Variants in POLR2B observed in about 807,000 individuals in gnomAD.
POLR2B encodes DNA-directed RNA polymerase II subunit RPB2.
In POLR2B, 57 loss-of-function variants were observed where a neutral mutation model predicts 144.6. The observed-to-expected ratio is 0.39, with a 90% CI of 0.32 to 0.49. POLR2B has a LOEUF of 0.49. Among genes scored for constraint, POLR2B ranks in the 20% least tolerant of loss-of-function variants. The pLI is 0.83. For missense variants in POLR2B, 595 were observed against 1,467.4 expected, an observed-to-expected ratio of 0.41 and a Z score of 9.71; for synonymous variants, 442 against 469.8, an observed-to-expected ratio of 0.94 and a Z score of 0.77.
chr4:56,988,523 A>G (rs1455981558), intron 2 of POLR2B, among the ~76,000 whole-genome samples: 1 of 152,140 alleles, frequency 6.6e-6, no homozygotes, highest in African/African-American at 2.4e-5. Flanking sequence ...AAGAAAGAAA[A>G]AAAGAGAAAT....
intron 7 of POLR2B, among the ~76,000 whole-genome samples, chr4:57,003,828 G>T (rs1722926069): frequency 6.6e-6 from 1 of 151,700 alleles, no homozygotes. Context: ...GGGTGACAAA[G>T]GGAGACTGAC....
intron 2 of POLR2B, among the ~76,000 whole-genome samples, chr4:56,988,279 T>G (rs1722392494): frequency 6.6e-6 from 1 of 151,838 alleles, no homozygotes; most frequent in Non-Finnish European, 1.5e-5. Context: ...GATACAGCTT[T>G]CAAGCAGAAA....
chr4:57,008,475 C>CA (rs1171997406), intron 10 of POLR2B, among the ~76,000 whole-genome samples: 2 of 152,114 alleles, frequency 1.3e-5, no homozygotes, highest in African/African-American at 4.8e-5. Flanking sequence ...GTGCTGGGAT[C>CA]ACAGGTGTGA....
rs1578594425 is a variant in POLR2B at position 57,025,552 on chromosome 4, A to G, written c.3239+15A>G. 2 of 1,514,770 alleles carry G rather than the reference A, an allele frequency of 1.3e-6. No individual in the cohort carries two copies. The highest frequency in any genetic ancestry group is 4.6e-5 in the East Asian group (2 of 43,830). 93.8% of individuals were successfully genotyped at this position (1,514,770 alleles called of 1,614,324 possible). On this transcript the variant is annotated intron_variant, in intron 23 of 24. Coordinates refer to ENST00000314595, the MANE Select transcript of POLR2B (RefSeq NM_000938.3). ...GGTAGATCTCGGTAAGAACTGTATCATCATCATTATTATTAATTAACCTTA... is the reference window on the plus strand; with the variant it reads ...GGTAGATCTCGGTAAGAACTGTATCGTCATCATTATTATTAATTAACCTTA...
At chr4:56,988,454 A>G (rs1415496779) in intron 2 of POLR2B, among the ~76,000 whole-genome samples, 1 of 152,120 alleles carries the variant, frequency 6.6e-6, no homozygotes, top group Non-Finnish European at 1.5e-5. Flanking sequence ...ACTTGAGCTC[A>G]GGAGTTTGAG....
chr4:56,999,451 C>T (rs936260877), intron 6 of POLR2B, among the ~76,000 whole-genome samples, 166 bp from the exon 7 acceptor site: 9 of 151,520 alleles, frequency 5.9e-5, no homozygotes, highest in Non-Finnish European at 1.3e-4. Context: ...ATACTTGTTT[C>T]GGTGGTTTTG....
chr4:56,985,934 T>C (rs1578555779), intron 1 of POLR2B, among the ~76,000 whole-genome samples: 1 of 152,206 alleles, frequency 6.6e-6, no homozygotes, highest in East Asian at 1.9e-4. Flanking sequence ...GAGATAGGCT[T>C]GTGGCCATCT....
chr4:57,011,637 A>G (rs1723191200), intron 13 of POLR2B, among the ~76,000 whole-genome samples: 1 of 152,164 alleles, frequency 6.6e-6, no homozygotes, highest in African/African-American at 2.4e-5. Flanking sequence ...ATCCTGGCCA[A>G]CATGGTGAAA....
chr4:56,979,087 G>C, intron 1 of POLR2B, 83 bp downstream of exon 1: 2 of 1,384,642 alleles, frequency 1.4e-6, no homozygotes, highest in Non-Finnish European at 2.1e-6. Flanking sequence ...AGGATTTGGG[G>C]CCTTCCCATG....
intron 7 of POLR2B, among the ~76,000 whole-genome samples, chr4:57,000,853 G>T (rs910326255): frequency 6.6e-6 from 1 of 151,234 alleles, no homozygotes; most frequent in Non-Finnish European, 1.5e-5. Flanking sequence ...GTGCCACCAC[G>T]CCCAGCTAAT....
chr4:57,016,150 TTTC>T (rs1180301895), intron 14 of POLR2B, among the ~76,000 whole-genome samples: 1 of 152,254 alleles, frequency 6.6e-6, no homozygotes, highest in Non-Finnish European at 1.5e-5. Context: ...TTTAGAATAC[TTTC>T]ATTGCCCCGA....
Position 57,005,703 on chromosome 4 carries a change from G to C in POLR2B, c.1201G>C (p.Ala401Pro). 1 of 1,612,168 alleles carries C rather than the reference G, an allele frequency of 6.2e-7. No individual in the cohort carries two copies. Among genetic ancestry groups the C allele is most frequent in the Non-Finnish European group, 8.5e-7 (1 of 1,179,260 alleles). ...KRLDLAGPLL[A>P]FLFRGMFKNL... The stretch of plus-strand genomic sequence containing the variant: ...ATTGGATCTTGCTGGGCCGCTGCTT[G>C]CATTCTTATTTAGAGGGTAAGGAAT... The change falls in exon 9 of 25, where the codon GCA becomes CCA. Residue 401 changes from alanine to proline, a missense_variant. Coordinates refer to ENST00000314595, the MANE Select transcript of POLR2B (RefSeq NM_000938.3).
At position 56,988,089 on chromosome 4, in the gene POLR2B, G is replaced by A. The variant is rs373798324; in HGVS notation, c.92+1663G>A. ...AATAAATAATTAAAAAATATATATT[G>A]AGTTTTTGGGATATAAGTATATATT... On this transcript the variant is annotated intron_variant, in intron 2 of 24. Coordinates refer to ENST00000314595, the MANE Select transcript of POLR2B (RefSeq NM_000938.3). Among the ~76,000 whole-genome samples the A allele has an allele frequency of 2.5e-4, 38 of 152,002 alleles. No individual in the cohort carries two copies. The East Asian group carries it at 6.2e-3, about 25-fold the overall frequency.
chr4:56,986,291 G>A (rs139361658), intron 1 of POLR2B, 63 bp from the exon 2 acceptor site: 365 of 924,266 alleles, frequency 3.9e-4, no homozygotes, highest in Non-Finnish European at 5.5e-4. Context: ...TAAAGTCATA[G>A]GAGCAAGATG....
At chr4:56,992,766 A>G (rs1578562103) in intron 3 of POLR2B, among the ~76,000 whole-genome samples, 2 of 151,268 alleles carry the variant, frequency 1.3e-5, no homozygotes, top group South Asian at 4.2e-4. Flanking sequence ...GTTTTGCCGT[A>G]TTAGCCAGGA....
chr4:56,993,235 G>A (rs1303460440), intron 3 of POLR2B, among the ~76,000 whole-genome samples: 2 of 150,934 alleles, frequency 1.3e-5, no homozygotes, highest in African/African-American at 4.9e-5. Flanking sequence ...CCCAGGAGGT[G>A]GAGGCTGCAG....
In POLR2B at chr4:57,005,297, C is replaced by T. The variant is rs1312088544; in HGVS notation, c.952C>T (p.Leu318=). The change falls in exon 8 of 25, where the codon CTA becomes TTA. Residue 318 remains leucine (L), a synonymous_variant. Coordinates refer to ENST00000314595, the MANE Select transcript of POLR2B (RefSeq NM_000938.3). ...TGTCATCCAAGAACAGAATGTTGCA[C>T]TAAATTTCATTGGTTCAAGAGGAGC... ...AFVIQEQNVA[L]NFIGSRGAKP... is the part of the protein sequence containing the mutation. The T allele has an allele frequency of 1.9e-6, 3 of 1,598,102 alleles. No individual in the cohort carries two copies. Among genetic ancestry groups the T allele is most frequent in the African/African-American group, 2.7e-5 (2 of 74,068 alleles).
chr4:57,014,504 CTTTTT>C (rs773847681), intron 13 of POLR2B, among the ~76,000 whole-genome samples: 1 of 66,654 alleles, frequency 1.5e-5, no homozygotes. Flanking sequence ...CTTTTTTTTT[CTTTTT>C]TTTTTTTTTT....
chr4:56,985,226 A>C, intron 1 of POLR2B: 2 of 758,692 alleles, frequency 2.6e-6, no homozygotes, highest in Non-Finnish European at 3.2e-6. Flanking sequence ...TTACAAAAAA[A>C]ATTTTATTTT....
Sources: allele counts gnomAD v4.1 joint callset (sites outside exome capture counted in the v4.1 genomes callset), GRCh38; gene constraint gnomAD v4.1.1; transcripts MANE v1.5; gene names NCBI Gene and HGNC (gene_info 2026-07-23, HGNC 2026-07-21).